The following UNC5D variants were observed in gnomAD, a reference collection of about 807,000 sequenced individuals.
UNC5D encodes the protein netrin receptor UNC5D.
Under a neutral mutation model 105.4 loss-of-function variants are expected in UNC5D, and 39 were observed. The observed-to-expected ratio is 0.37, with a 90% CI of 0.29 to 0.48. The LOEUF (loss-of-function observed/expected upper bound fraction) is 0.48, where lower values mean the gene tolerates loss of function less well. UNC5D is among the 20% of genes least tolerant of loss of function. The probability of loss-of-function intolerance (pLI) is 0.98; values close to 1 mark genes in which losing one functional copy is unlikely to be tolerated. For synonymous variants in UNC5D, 452 were observed against 450.4 expected (o/e 1.00, Z -0.04); for missense variants, 991 against 1,202.4 (o/e 0.82, Z 2.60).
chr8:35,481,473 T>C (rs759833915), intron 1 of UNC5D, among the ~76,000 whole-genome samples: 1 of 152,132 alleles, frequency 6.6e-6, no homozygotes, highest in Non-Finnish European at 1.5e-5. Context: ...AACCCCACCT[T>C]ATAGAACAGA....
chr8:35,377,940 T>G (rs543039187), intron 1 of UNC5D, among the ~76,000 whole-genome samples: 2 of 152,180 alleles, frequency 1.3e-5, no homozygotes, highest in African/African-American at 2.4e-5. Flanking sequence ...CTCACCATAT[T>G]GCAAGCATTG....
At chr8:35,738,105 G>T (rs998396730) in intron 11 of UNC5D, among the ~76,000 whole-genome samples, 1 of 137,398 alleles carries the variant, frequency 7.3e-6, no homozygotes, top group Admixed American at 8.2e-5. Flanking sequence ...AAACTGTCTC[G>T]AAAAGAAAAG....
At chr8:35,239,344 T>A (rs1419082186) in intron 1 of UNC5D, among the ~76,000 whole-genome samples, 1 of 152,182 alleles carries the variant, frequency 6.6e-6, no homozygotes, top group Non-Finnish European at 1.5e-5. Context: ...GATTAGGAAA[T>A]CACTTTTCTG....
At chr8:35,469,805 C>T (rs1413003431) in intron 1 of UNC5D, among the ~76,000 whole-genome samples, 2 of 152,146 alleles carry the variant, frequency 1.3e-5, no homozygotes, top group African/African-American at 4.8e-5. Flanking sequence ...TTGCACCTAA[C>T]ATAGATCATA....
intron 2 of UNC5D, among the ~76,000 whole-genome samples, chr8:35,555,901 A>ATG (rs1563531358): frequency 1.4e-5 from 2 of 144,890 alleles, no homozygotes; most frequent in Admixed American, 7.0e-5. Flanking sequence ...ACACACACAC[A>ATG]CACACACACA....
intron 1 of UNC5D, among the ~76,000 whole-genome samples, chr8:35,257,041 G>A (rs529276179): frequency 5.3e-5 from 8 of 149,578 alleles, no homozygotes; most frequent in African/African-American, 2.0e-4. Context: ...GCAACGTCTC[G>A]GCTCACTGCA....
At chr8:35,525,651 AT>A (rs2130490362) in intron 1 of UNC5D, 1 of 1,613,156 alleles carries the variant, frequency 6.2e-7, no homozygotes, top group African/African-American at 1.3e-5. Context: ...TAAAGCCAGC[AT>A]TTTGGATTGG....
intron 4 of UNC5D, among the ~76,000 whole-genome samples, chr8:35,620,013 G>A (rs902088226): frequency 6.6e-6 from 1 of 152,180 alleles, no homozygotes; most frequent in East Asian, 1.9e-4. Flanking sequence ...CTCAGCACAG[G>A]TCCTCTAATG....
intron 1 of UNC5D, among the ~76,000 whole-genome samples, chr8:35,300,767 G>T (rs1043616399): frequency 2.0e-5 from 3 of 152,140 alleles, no homozygotes; most frequent in Non-Finnish European, 4.4e-5. Context: ...AGTTACTTTT[G>T]ATGTTCTTGG....
At chr8:35,597,835 C>A (rs1342732887) in intron 4 of UNC5D, among the ~76,000 whole-genome samples, 4 of 152,160 alleles carry the variant, frequency 2.6e-5, no homozygotes, top group Admixed American at 2.6e-4. Context: ...TGTTCAAAAT[C>A]CTGCAAAGCT....
chr8:35,788,689 AACACACACACGCAC>A (rs796721659), intron 16 of UNC5D, among the ~76,000 whole-genome samples: 26 of 151,298 alleles, frequency 1.7e-4, no homozygotes, highest in African/African-American at 6.3e-4. Context: ...GAAGGCAGAA[AACACACACACGCAC>A]ACACACACAC....
Position 35,487,596 on chromosome 8 carries a change from C to T in UNC5D, c.104-61696C>T, listed in dbSNP as rs9656746. On this transcript the variant is annotated intron_variant, in intron 1 of 16. Transcript: ENST00000404895. ...ACACACACACACACACACACACACC[C>T]CACAGACTGTTAGTTTTAGTTCTCT... Among the ~76,000 whole-genome samples the T allele has an allele frequency of 5.3e-5, 8 of 151,720 alleles. No individual in the cohort carries two copies. In the East Asian group the frequency reaches 5.8e-4, roughly 11 times the overall value.
At chr8:35,253,859 G>T (rs1803891409) in intron 1 of UNC5D, among the ~76,000 whole-genome samples, 1 of 152,064 alleles carries the variant, frequency 6.6e-6, no homozygotes, top group African/African-American at 2.4e-5. Context: ...TTTCTCTAAT[G>T]ATCTGCAATG....
chr8:35,607,614 T>G (rs1261598007), intron 4 of UNC5D, among the ~76,000 whole-genome samples: 1 of 152,116 alleles, frequency 6.6e-6, no homozygotes, highest in Admixed American at 6.6e-5. Flanking sequence ...GTGGACAGTT[T>G]CCCCCATGCT....
chr8:35,726,726 C>T (rs1253000809), intron 10 of UNC5D, 197 bp downstream of exon 10: 3 of 785,418 alleles, frequency 3.8e-6, no homozygotes, highest in Non-Finnish European at 6.0e-6. Flanking sequence ...GTCTTCATCT[C>T]AGCATGGATT....
chr8:35,275,683 A>G (rs950712531), intron 1 of UNC5D, among the ~76,000 whole-genome samples: 1 of 152,158 alleles, frequency 6.6e-6, no homozygotes, highest in Non-Finnish European at 1.5e-5. Flanking sequence ...TCTCTGTGTG[A>G]CCTGGAGGAA....
At chr8:35,756,149 G>C (rs576634106) in intron 13 of UNC5D, among the ~76,000 whole-genome samples, 3 of 152,028 alleles carry the variant, frequency 2.0e-5, no homozygotes, top group African/African-American at 7.2e-5. Flanking sequence ...TCATTACCAG[G>C]CTTTTTCATT....
chr8:35,674,961 A>C (rs770137304), intron 4 of UNC5D, among the ~76,000 whole-genome samples: 1 of 152,142 alleles, frequency 6.6e-6, no homozygotes, highest in Non-Finnish European at 1.5e-5. Context: ...CCCTGGCTCT[A>C]CCACTTATAC....
chr8:35,487,514 A>G (rs1810900359), intron 1 of UNC5D, among the ~76,000 whole-genome samples: 2 of 151,714 alleles, frequency 1.3e-5, no homozygotes, highest in Admixed American at 6.6e-5. Context: ...GCCCTTCACA[A>G]GTACATGAGC....
Sources: gnomAD v4.1 joint callset for allele counts (sites outside exome capture counted in the v4.1 genomes callset) on GRCh38, gnomAD v4.1.1 for gene constraint, MANE v1.5 for transcripts, NCBI Gene and HGNC (gene_info 2026-07-23, HGNC 2026-07-21) for gene names.